The following WDR7 variants were observed in gnomAD, a reference collection of about 807,000 sequenced individuals.
The protein encoded by WDR7 is WD repeat-containing protein 7.
In WDR7, 46 loss-of-function variants were observed where a neutral mutation model predicts 169.4. That is an observed-to-expected ratio of 0.27 (90% CI 0.21 to 0.35). The LOEUF is 0.35. Ranked by LOEUF, WDR7 falls within the 10% of genes least tolerant of loss-of-function variation. The pLI is 1.00. For synonymous variants in WDR7, 612 were observed against 666.8 expected (o/e 0.92, Z 1.27); for missense variants, 1,534 against 1,859.3 (o/e 0.83, Z 3.22).
intron 21 of WDR7, among the ~76,000 whole-genome samples, chr18:56,922,609 C>T (rs959608868): frequency 2.6e-5 from 4 of 152,056 alleles, no homozygotes; most frequent in African/African-American, 9.7e-5. Context: ...AATCCATGGC[C>T]GCCTTGACAT....
intron 18 of WDR7, among the ~76,000 whole-genome samples, chr18:56,780,661 G>A (rs113459780): frequency 0.026 from 4,025 of 152,160 alleles, 73 homozygotes; most frequent in African/African-American, 0.051. Context: ...TTAGCCGGTC[G>A]TGGTGGCATA....
At chr18:56,768,716 A>G (rs73434844) in intron 16 of WDR7, among the ~76,000 whole-genome samples, 1 of 152,074 alleles carries the variant, frequency 6.6e-6, no homozygotes, top group African/African-American at 2.4e-5. Flanking sequence ...TATGTTTTTT[A>G]TTTCCTGACT....
rs897026261 is a variant in WDR7 at position 56,959,726 on chromosome 18, G to T, written c.4065-2704G>T. ...AGGATCTGGTCAAGATTAGAAAAGT[G>T]CAGCTTTAAAAACTATAACGGACCC... On this transcript the variant is annotated intron_variant, in intron 25 of 27. Coordinates refer to ENST00000254442, the MANE Select transcript of WDR7 (RefSeq NM_015285.3). 6.6e-5 allele frequency among the ~76,000 whole-genome samples: 10 copies of T among 152,148 alleles called. No homozygotes were observed. In the East Asian group the frequency reaches 1.9e-3, roughly 29 times the overall value.
chr18:56,708,408 G>C (rs1391249894), intron 12 of WDR7, among the ~76,000 whole-genome samples: 1 of 152,138 alleles, frequency 6.6e-6, no homozygotes, highest in Non-Finnish European at 1.5e-5. Flanking sequence ...ATTAAAAATC[G>C]CTTGGTCAGA....
At chr18:56,684,896 G>A (rs1368902949) in intron 5 of WDR7, among the ~76,000 whole-genome samples, 1 of 152,124 alleles carries the variant, frequency 6.6e-6, no homozygotes, top group Non-Finnish European at 1.5e-5. Context: ...TGAGATTTGC[G>A]TTAATTTTCC....
At chr18:56,896,081 A>G (rs2046328873) in intron 21 of WDR7, among the ~76,000 whole-genome samples, 1 of 151,862 alleles carries the variant, frequency 6.6e-6, no homozygotes, top group Non-Finnish European at 1.5e-5. Flanking sequence ...ATAGTAAATC[A>G]ACTAGACAAT....
intron 21 of WDR7, among the ~76,000 whole-genome samples, chr18:56,892,339 G>A (rs910341960): frequency 2.0e-5 from 3 of 152,022 alleles, no homozygotes; most frequent in Non-Finnish European, 4.4e-5. Flanking sequence ...CATTCCAGTA[G>A]TCCATAGCTA....
intron 12 of WDR7, among the ~76,000 whole-genome samples, chr18:56,711,213 A>G (rs1217295498): frequency 6.6e-6 from 1 of 151,912 alleles, no homozygotes; most frequent in Non-Finnish European, 1.5e-5. Context: ...AATCAAATTT[A>G]TTTTTTTATT....
intron 20 of WDR7, among the ~76,000 whole-genome samples, chr18:56,866,861 C>T (rs1304200901): frequency 6.6e-6 from 1 of 152,092 alleles, no homozygotes; most frequent in Admixed American, 6.6e-5. Context: ...AGAATCTGAG[C>T]ATTTCTAGCA....
At chr18:56,772,707 A>T (rs147029920) in intron 16 of WDR7, among the ~76,000 whole-genome samples, 1,956 of 151,154 alleles carry the variant, frequency 0.013, 21 homozygotes, top group East Asian at 0.033. Context: ...AAATATACCT[A>T]TATAATAGAA....
chr18:56,900,657 G>A (rs962884488), intron 21 of WDR7, among the ~76,000 whole-genome samples: 8 of 152,142 alleles, frequency 5.3e-5, no homozygotes, highest in Non-Finnish European at 8.8e-5. Flanking sequence ...ATTCCTAGGG[G>A]AACATCGGGC....
chr18:56,791,879 G>A (rs1241046200), intron 19 of WDR7, among the ~76,000 whole-genome samples: 1 of 152,130 alleles, frequency 6.6e-6, no homozygotes, highest in African/African-American at 2.4e-5. Flanking sequence ...AGAGGCAGGA[G>A]GGATGAGTTT....
intron 1 of WDR7, among the ~76,000 whole-genome samples, chr18:56,659,384 T>C (rs1598939664): frequency 6.6e-6 from 1 of 152,202 alleles, no homozygotes; most frequent in African/African-American, 2.4e-5. Context: ...TGTTTATTTA[T>C]TCAAGTATTT....
chr18:56,795,257 A>G (rs1456266135), intron 19 of WDR7, among the ~76,000 whole-genome samples: 1 of 152,098 alleles, frequency 6.6e-6, no homozygotes, highest in Admixed American at 6.5e-5. Context: ...TTGGTAGCCT[A>G]ATTACTGACA....
intron 12 of WDR7, among the ~76,000 whole-genome samples, chr18:56,699,362 A>G (rs1032001334): frequency 6.6e-6 from 1 of 152,130 alleles, no homozygotes; most frequent in Admixed American, 6.6e-5. Flanking sequence ...TCATAAATTG[A>G]CCCAGTGTCC....
intron 20 of WDR7, among the ~76,000 whole-genome samples, chr18:56,818,383 A>G (rs1037337452): frequency 6.6e-6 from 1 of 152,250 alleles, no homozygotes; most frequent in Non-Finnish European, 1.5e-5. Context: ...GAAACTAAGA[A>G]TGCAAATCTA....
chr18:56,942,674 A>G (rs1468000662), intron 25 of WDR7, among the ~76,000 whole-genome samples: 1 of 152,220 alleles, frequency 6.6e-6, no homozygotes, highest in Non-Finnish European at 1.5e-5. Context: ...CTATTTATTT[A>G]TATCAATTAG....
chr18:56,771,163 C>T (rs2044149371), intron 16 of WDR7, among the ~76,000 whole-genome samples: 1 of 152,144 alleles, frequency 6.6e-6, no homozygotes, highest in South Asian at 2.1e-4. Context: ...AAAACTTTAA[C>T]ATTGTGTAAG....
At chr18:56,863,979 T>G (rs965831437) in intron 20 of WDR7, among the ~76,000 whole-genome samples, 2 of 151,810 alleles carry the variant, frequency 1.3e-5, no homozygotes, top group Admixed American at 1.3e-4. Context: ...AGTTTTGGTT[T>G]TATATAATGT....
Sources: allele counts gnomAD v4.1 joint callset (sites outside exome capture counted in the v4.1 genomes callset), GRCh38; gene constraint gnomAD v4.1.1; transcripts MANE v1.5; gene names NCBI Gene and HGNC (gene_info 2026-07-23, HGNC 2026-07-21).